HMGCLL1: variants seen among roughly 807,000 people sequenced by gnomAD.
HMGCLL1 encodes 3-hydroxy-3-methylglutaryl-CoA lyase like 1, also known as 3-hydroxymethyl-3-methylglutaryl-CoA lyase, cytoplasmic.
A neutral mutation model predicts 39.1 loss-of-function variants in HMGCLL1; 36 were observed. That is an observed-to-expected ratio of 0.92 (90% CI 0.71 to 1.22). HMGCLL1 has a LOEUF of 1.22. HMGCLL1 is among the 50% of genes most tolerant of loss of function. The pLI, the probability that HMGCLL1 is intolerant of heterozygous loss-of-function variation, is 0.00. For synonymous variants in HMGCLL1, 149 were observed against 144.0 expected, an observed-to-expected ratio of 1.03 and a Z score of -0.25; for missense variants, 451 against 416.5, an observed-to-expected ratio of 1.08 and a Z score of -0.72.
the HMGCLL1 span, among the ~76,000 whole-genome samples, chr6:55,631,942 C>T: frequency 0.029 from 4,450 of 152,056 alleles, 233 homozygotes; most frequent in African/African-American, 0.1. Context: ...ATTCTATGGG[C>T]CTTACCTATT....
At chr6:55,442,393 A>G (rs922666780) in intron 7 of HMGCLL1, among the ~76,000 whole-genome samples, 1 of 152,136 alleles carries the variant, frequency 6.6e-6, no homozygotes, top group Non-Finnish European at 1.5e-5. Flanking sequence ...GTTATAACGT[A>G]ATACCAATTT....
intron 7 of HMGCLL1, among the ~76,000 whole-genome samples, chr6:55,444,510 A>T (rs1424168067): frequency 6.6e-6 from 1 of 152,038 alleles, no homozygotes; most frequent in Non-Finnish European, 1.5e-5. Context: ...AAACAAAATG[A>T]TGATGCTATT....
At chr6:55,563,683 G>C in intron 1 of HMGCLL1, 1 of 315,796 alleles carries the variant, frequency 3.2e-6, no homozygotes, top group Non-Finnish European at 6.2e-6. Flanking sequence ...AATAATCAAA[G>C]AACCTGATAC....
At chr6:55,542,195 C>T in intron 1 of HMGCLL1, 55 bp from the exon 2 acceptor site, 2 of 1,207,162 alleles carry the variant, frequency 1.7e-6, no homozygotes, top group Non-Finnish European at 2.4e-6. Context: ...GTTACATTTG[C>T]TTATTTGAAA....
chr6:55,467,454 A>G (rs1031452406), intron 7 of HMGCLL1, among the ~76,000 whole-genome samples: 1 of 152,068 alleles, frequency 6.6e-6, no homozygotes, highest in African/African-American at 2.4e-5. Flanking sequence ...AATCCCAACT[A>G]GAACGAAATT....
At chr6:55,614,040 T>C in the HMGCLL1 span, among the ~76,000 whole-genome samples, 2 of 152,290 alleles carry the variant, frequency 1.3e-5, no homozygotes, top group East Asian at 3.9e-4. Context: ...TGATATAATT[T>C]TAATGTCATT....
At chr6:55,531,600 A>G (rs1489831414) in intron 3 of HMGCLL1, among the ~76,000 whole-genome samples, 1 of 151,960 alleles carries the variant, frequency 6.6e-6, no homozygotes, top group African/African-American at 2.4e-5. Context: ...GTGGTACCCA[A>G]CCCCCAGTCC....
intron 1 of HMGCLL1, among the ~76,000 whole-genome samples, chr6:55,554,448 C>T (rs1770542382): frequency 2.0e-5 from 3 of 151,938 alleles, no homozygotes; most frequent in Non-Finnish European, 2.9e-5. Context: ...TGACCTACAC[C>T]CTCAAGCAAA....
chr6:55,554,373 A>T (rs4569966), intron 1 of HMGCLL1, among the ~76,000 whole-genome samples: 88,328 of 151,658 alleles, frequency 0.58, 25,642 homozygotes, highest in Admixed American at 0.65. Context: ...TTGTGGATCC[A>T]CTTGCAGAAT....
intron 3 of HMGCLL1, among the ~76,000 whole-genome samples, chr6:55,522,529 T>C (rs1768091357): frequency 6.6e-6 from 1 of 152,018 alleles, no homozygotes; most frequent in South Asian, 2.1e-4. Context: ...TGAGAGTTCC[T>C]ATTCATTTTT....
intron 7 of HMGCLL1, among the ~76,000 whole-genome samples, chr6:55,463,374 G>T (rs1764668663): frequency 6.6e-6 from 1 of 151,962 alleles, no homozygotes; most frequent in African/African-American, 2.4e-5. Flanking sequence ...ACATGAAAAA[G>T]TGGCCCTTAC....
the HMGCLL1 span, among the ~76,000 whole-genome samples, chr6:55,589,282 A>T: frequency 6.6e-6 from 1 of 152,200 alleles, no homozygotes; most frequent in African/African-American, 2.4e-5. Context: ...TCCAGCATAT[A>T]AACAGAACCA....
intron 1 of HMGCLL1, among the ~76,000 whole-genome samples, chr6:55,571,520 C>A (rs911315290): frequency 6.6e-6 from 1 of 151,962 alleles, no homozygotes; most frequent in Admixed American, 6.6e-5. Context: ...AGTAATAGAT[C>A]AAACGCTGGG....
At chr6:55,477,855 A>G (rs1449518751) in intron 7 of HMGCLL1, among the ~76,000 whole-genome samples, 3 of 150,966 alleles carry the variant, frequency 2.0e-5, no homozygotes, top group Non-Finnish European at 4.4e-5. Flanking sequence ...ATGAGTGACA[A>G]TAGCCATAAT....
intron 1 of HMGCLL1, among the ~76,000 whole-genome samples, chr6:55,562,486 C>G (rs944271286): frequency 2.6e-5 from 4 of 152,052 alleles, no homozygotes; most frequent in Non-Finnish European, 5.9e-5. Context: ...TTGGTAAAGG[C>G]CTCAACATCT....
At chr6:55,509,380 A>T (rs12202230) in intron 5 of HMGCLL1, among the ~76,000 whole-genome samples, 50,826 of 151,632 alleles carry the variant, frequency 0.34, 8,822 homozygotes, top group Non-Finnish European at 0.37. Flanking sequence ...GTACTTAAAA[A>T]TGGAGCCCTA....
chr6:55,571,293 C>T (rs1304853954), intron 1 of HMGCLL1, among the ~76,000 whole-genome samples: 1 of 152,112 alleles, frequency 6.6e-6, no homozygotes, highest in Non-Finnish European at 1.5e-5. Context: ...TGGTAATATG[C>T]CTGGTACATG....
chr6:55,517,275 ATCAAATTTACCAG>A (rs1322822468), intron 3 of HMGCLL1, among the ~76,000 whole-genome samples: 1 of 152,110 alleles, frequency 6.6e-6, no homozygotes, highest in African/African-American at 2.4e-5. Context: ...GAATTAAAAT[ATCAAATTTACCAG>A]TTTGCCACAA....
At chr6:55,570,541 T>C (rs1771426938) in intron 1 of HMGCLL1, among the ~76,000 whole-genome samples, 1 of 152,242 alleles carries the variant, frequency 6.6e-6, no homozygotes, top group Non-Finnish European at 1.5e-5. Context: ...CCCTGTTTGA[T>C]GATTGGTATC....
Sources: allele counts gnomAD v4.1 joint callset (sites outside exome capture counted in the v4.1 genomes callset), GRCh38; gene constraint gnomAD v4.1.1; transcripts MANE v1.5; gene names NCBI Gene and HGNC (gene_info 2026-07-23, HGNC 2026-07-21).